Variants in AKAP13 observed in about 807,000 individuals in gnomAD.
AKAP13 encodes A-kinase anchor protein 13.
AKAP13 carries 80 observed loss-of-function variants against 264.5 expected under a neutral mutation model. The observed-to-expected ratio is 0.30, with a 90% CI of 0.25 to 0.36. AKAP13 has a LOEUF of 0.36. Among genes scored for constraint, AKAP13 ranks in the 10% least tolerant of loss-of-function variants. AKAP13 has a pLI of 1.00. For missense variants in AKAP13, 3,712 were observed against 3,435.2 expected, an observed-to-expected ratio of 1.08 and a Z score of -2.01; for synonymous variants, 1,380 against 1,250.2, an observed-to-expected ratio of 1.10 and a Z score of -2.19.
chr15:85,692,276 A>G (rs62022924), intron 16 of AKAP13, among the ~76,000 whole-genome samples: 25,192 of 152,236 alleles, frequency 0.17, 2,382 homozygotes, highest in Non-Finnish European at 0.22. Flanking sequence ...TGAGTAATTA[A>G]TAATATTGCT....
intron 1 of AKAP13, among the ~76,000 whole-genome samples, chr15:85,414,251 CTG>C (rs775582967): frequency 6.6e-6 from 1 of 152,064 alleles, no homozygotes; most frequent in African/African-American, 2.4e-5. Context: ...CAAATTTAAA[CTG>C]TTGTAAAGAT....
At chr15:85,685,914 A>G (rs531223437) in intron 16 of AKAP13, among the ~76,000 whole-genome samples, 75 of 152,310 alleles carry the variant, frequency 4.9e-4, no homozygotes, top group African/African-American at 1.6e-3. Flanking sequence ...GTTTTGGTTT[A>G]TATATTTCTA....
intron 1 of AKAP13, among the ~76,000 whole-genome samples, chr15:85,437,369 A>G (rs931995829): frequency 9.2e-5 from 14 of 152,370 alleles, no homozygotes; most frequent in Admixed American, 2.0e-4. Flanking sequence ...AGATGGATTC[A>G]CAGCTGAATT....
chr15:85,492,998 T>G (rs1281960427), intron 2 of AKAP13, among the ~76,000 whole-genome samples: 1 of 152,186 alleles, frequency 6.6e-6, no homozygotes, highest in Non-Finnish European at 1.5e-5. Context: ...CTAAAGTTGT[T>G]TCTGGTTTGG....
chr15:85,736,424 TGTTTGTTTGTTTG>T lies in AKAP13; in HGVS notation c.7557+291_7557+303del, dbSNP rs1399442618. On this transcript the variant is annotated intron_variant, in intron 33 of 36. Transcript: ENST00000394518. ...TTAAGGAAGCCTCTTGCTGTTTTTT[TGTTTGTTTGTTTG>T]TTTGTTTGTTTGTTTGAGATGGGGT... Among the ~76,000 whole-genome samples the T allele has an allele frequency of 2.5e-5, 3 of 118,198 alleles. No individual in the cohort carries two copies. In the South Asian group the frequency reaches 1.0e-3, roughly 40 times the overall value. The allele number at this position is 118,198 out of a possible 152,430, so 77.5% of individuals were successfully genotyped here. A position where few individuals can be genotyped will look rare whatever the true frequency, so the allele number is the denominator to read the frequency against.
At chr15:85,613,434 C>G (rs892896428) in intron 8 of AKAP13, among the ~76,000 whole-genome samples, 21 of 152,044 alleles carry the variant, frequency 1.4e-4, no homozygotes, top group Non-Finnish European at 1.5e-5. Context: ...GTAATCCCAG[C>G]ACTTTGGGAG....
Position 85,579,932 on chromosome 15 carries a change from C to G in AKAP13, c.1864C>G (p.Leu622Val). The G allele has an allele frequency of 1.2e-6, 2 of 1,614,178 alleles. No individual in the cohort carries two copies. The highest frequency in any genetic ancestry group is 1.7e-6 in the Non-Finnish European group (2 of 1,180,026). ...GEAMSPSDLA[L>V]LGLEEDVMPH... ...GGCAATGTCACCCTCAGATTTAGCC[C>G]TTCTTGGGCTGGAAGAAGATGTAAT... The change falls in exon 7 of 37, where the codon CTT becomes GTT. Residue 622 changes from leucine (L) to valine (V), a missense_variant. Transcript: ENST00000394518.
At chr15:85,497,652 A>ATTAT (rs2075909826) in intron 2 of AKAP13, among the ~76,000 whole-genome samples, 1 of 152,216 alleles carries the variant, frequency 6.6e-6, no homozygotes, top group South Asian at 2.1e-4. Context: ...TGACTGTTTA[A>ATTAT]TTAAAGTGAA....
At position 85,451,824 on chromosome 15, in the gene AKAP13, A is replaced by G. The variant is rs555270159; in HGVS notation, c.-11-33886A>G. 3.3e-5 allele frequency among the ~76,000 whole-genome samples: 5 copies of G among 152,320 alleles called. No individual in the cohort carries two copies. The South Asian group carries it at 1.0e-3, about 32-fold the overall frequency. Reference sequence around the variant, plus strand: ...TTATTCTTTAATTTTCATCTTGGAAAATCTGACAATTATGTGTCTTGAGGA... The same window carrying G: ...TTATTCTTTAATTTTCATCTTGGAAGATCTGACAATTATGTGTCTTGAGGA... On this transcript the variant is annotated intron_variant, in intron 1 of 36. Transcript: ENST00000394518.
chr15:85,414,727 G>T (rs1225217696), intron 1 of AKAP13, among the ~76,000 whole-genome samples: 1 of 152,180 alleles, frequency 6.6e-6, no homozygotes, highest in African/African-American at 2.4e-5. Context: ...ATTTGTTCTT[G>T]TTTCTTTTTC....
At chr15:85,551,460 A>C (rs1449542322) in intron 5 of AKAP13, among the ~76,000 whole-genome samples, 1 of 152,194 alleles carries the variant, frequency 6.6e-6, no homozygotes, top group East Asian at 1.9e-4. Flanking sequence ...ATGGAGGAAT[A>C]ATTTGAACCA....
chr15:85,468,074 C>T (rs929561603), intron 1 of AKAP13, among the ~76,000 whole-genome samples: 3 of 152,194 alleles, frequency 2.0e-5, no homozygotes, highest in Non-Finnish European at 4.4e-5. Context: ...TAAACTCTTT[C>T]TTGGGTGAAT....
At chr15:85,442,730 A>G (rs188114912) in intron 1 of AKAP13, among the ~76,000 whole-genome samples, 5 of 151,764 alleles carry the variant, frequency 3.3e-5, no homozygotes, top group Admixed American at 3.3e-4. Flanking sequence ...TGGCTCAGCA[A>G]CACTTTTAAT....
rs748397693 is a variant in AKAP13, at chr15:85,581,124, C to T, written c.3056C>T (p.Pro1019Leu). 3.7e-6 allele frequency: 6 copies of T among 1,613,806 alleles called. No individual in the cohort carries two copies. In the South Asian group the frequency reaches 4.4e-5, roughly 12 times the overall value. Reference sequence around the variant, plus strand: ...GGTGGGGCTGCCCAGAGCCTGGTGCCACCAGGAGCAAGTCTGGCCACAGAG... The same window carrying T: ...GGTGGGGCTGCCCAGAGCCTGGTGCTACCAGGAGCAAGTCTGGCCACAGAG... ...TQGGAAQSLV[P>L]PGASLATESR... The change falls in exon 7 of 37, where the codon CCA becomes CTA. Residue 1019 changes from proline to leucine, a missense_variant. Pro to Leu is a moderately conservative substitution (Grantham distance 98). This residue lies in a region of AKAP13 where 2,759 missense variants were observed against 2,411.7 expected (regional missense o/e 1.14). Transcript: ENST00000394518.
intron 9 of AKAP13, among the ~76,000 whole-genome samples, chr15:85,639,914 C>T (rs1236850689): frequency 1.3e-5 from 2 of 152,064 alleles, no homozygotes; most frequent in African/African-American, 4.8e-5. Context: ...CTTTGATTAC[C>T]CTGCTGTGTA....
chr15:85,564,087 G>A lies in AKAP13; in HGVS notation c.663-11044G>A, dbSNP rs532806062. On this transcript the variant is annotated intron_variant, in intron 5 of 36. Transcript: ENST00000394518. ...GGACTGATAAGAGGATTAAATTAGTGTACTTAAAATTTTCTGTCAGTATCT... is the reference window on the plus strand; with the variant it reads ...GGACTGATAAGAGGATTAAATTAGTATACTTAAAATTTTCTGTCAGTATCT... 1.1e-4 allele frequency among the ~76,000 whole-genome samples: 17 copies of A among 152,276 alleles called. 2 individuals are homozygous for A. The South Asian group carries it at 3.3e-3, about 30-fold the overall frequency.
chr15:85,546,347 C>A (rs1410019629), intron 5 of AKAP13, among the ~76,000 whole-genome samples: 1 of 151,712 alleles, frequency 6.6e-6, no homozygotes, highest in Non-Finnish European at 1.5e-5. Flanking sequence ...CACACACACA[C>A]ACACACACAC....
rs35884519 is a variant in AKAP13 at position 85,638,765 on chromosome 15, G to GT, written c.4162-597dup. Reference sequence around the variant, plus strand: ...TTACTTCAGCAACCCCTCTGAGCCTGTTTTTTTTTTTTGAGATGGCGTCTT... The same window carrying GT: ...TTACTTCAGCAACCCCTCTGAGCCTGTTTTTTTTTTTTTGAGATGGCGTCTT... On this transcript the variant is annotated intron_variant, in intron 8 of 36. Transcript: ENST00000394518. Among the ~76,000 whole-genome samples the GT allele has an allele frequency of 2.5e-3, 367 of 148,956 alleles. 1 individual carries two copies. The highest frequency in any genetic ancestry group is 0.017 in the South Asian group (81 of 4,736).
chr15:85,712,850 C>T (rs2086706049), intron 19 of AKAP13, among the ~76,000 whole-genome samples: 3 of 152,128 alleles, frequency 2.0e-5, no homozygotes. Context: ...GGCCCTCCCA[C>T]AAATATTCTT....
Sources: allele counts gnomAD v4.1 joint callset (sites outside exome capture counted in the v4.1 genomes callset), GRCh38; gene constraint gnomAD v4.1.1; regional missense constraint gnomAD v4.1.1; transcripts MANE v1.5; gene names NCBI Gene and HGNC (gene_info 2026-07-23, HGNC 2026-07-21).